Variants in HACD4 observed in about 807,000 individuals in gnomAD.
HACD4 encodes very-long-chain (3R)-3-hydroxyacyl-CoA dehydratase 4.
A neutral mutation model predicts 33.3 loss-of-function variants in HACD4; 35 were observed. The observed-to-expected ratio is 1.05, with a 90% CI of 0.80 to 1.39. HACD4 has a LOEUF of 1.39. HACD4 is among the 40% of genes most tolerant of loss of function. HACD4 has a pLI of 0.00. For synonymous variants in HACD4, 118 were observed against 98.0 expected (o/e 1.20, Z -1.21); for missense variants, 323 against 276.5 (o/e 1.17, Z -1.19).
In HACD4 at chr9:21,005,113, A is replaced by C. The variant is rs1016961589; in HGVS notation, c.*1924T>G. On this transcript the variant is annotated 3_prime_UTR_variant, in exon 7 of 7. Transcript: ENST00000495827. The surrounding 1 kb of genome is among the most constrained non-coding windows in gnomAD (Gnocchi z 4.0). ...TGGAAGAAAGGTGATCTTTGTTATA[A>C]TATGCCAAAGAACTTGGATGATTGT... 1 of 152,220 alleles carries C rather than the reference A, an allele frequency of 6.6e-6. No homozygotes were observed. The highest frequency in any genetic ancestry group is 1.5e-5 in the Non-Finnish European group (1 of 68,034). 9.4% of individuals were successfully genotyped at this position (152,220 alleles called of 1,614,324 possible). A position where few individuals can be genotyped will look rare whatever the true frequency, so the allele number is the denominator to read the frequency against.
At chr9:21,022,646 T>C (rs1018407908) in intron 3 of HACD4, among the ~76,000 whole-genome samples, 20 of 148,932 alleles carry the variant, frequency 1.3e-4, no homozygotes, top group Non-Finnish European at 2.2e-4. Flanking sequence ...CATAGAGAAA[T>C]GCAAATCAAA....
chr9:21,007,121 T>A lies in HACD4; in HGVS notation c.617-2A>T. ...GATGACTGTAGGTAAAATACATACC[T>A]AATATGGAGAAAGAAGTTGCAAAAG... On this transcript the variant is annotated splice_acceptor_variant, in intron 6 of 6. Coordinates refer to ENST00000495827, the MANE Select transcript of HACD4 (RefSeq NM_001010915.5). LOFTEE classifies it high-confidence loss of function. 6.9e-7 allele frequency: 1 copy of A among 1,444,004 alleles called. No homozygotes were observed. Among genetic ancestry groups the A allele is most frequent in the Non-Finnish European group, 9.8e-7 (1 of 1,025,502 alleles). 89.4% of individuals were successfully genotyped at this position (1,444,004 alleles called of 1,614,324 possible). A position where few individuals can be genotyped will look rare whatever the true frequency, so the allele number is the denominator to read the frequency against.
intron 4 of HACD4, among the ~76,000 whole-genome samples, chr9:21,012,237 T>C (rs1409105258): frequency 6.6e-6 from 1 of 152,246 alleles, no homozygotes; most frequent in Non-Finnish European, 1.5e-5. Flanking sequence ...CGTTGTGTTT[T>C]ATTTCTTTGA....
intron 1 of HACD4, among the ~76,000 whole-genome samples, chr9:21,029,639 C>T (rs1437134219): frequency 6.6e-6 from 1 of 152,170 alleles, no homozygotes; most frequent in African/African-American, 2.4e-5. Flanking sequence ...CTGGTACACC[C>T]CATCAGCTGA....
At position 21,011,641 on chromosome 9, in the gene HACD4, C is replaced by G; in HGVS notation, c.438G>C (p.Trp146Cys). Residue 146 changes from tryptophan (W) to cysteine (C), a missense_variant, in exon 5 of 7, where the codon TGG (tryptophan) becomes TGC (cysteine). By Grantham distance (215) the Trp-to-Cys change is radical. Transcript: ENST00000495827. ...TTGGCATCCATAGTGTTTGACTGAG[C>G]CATGTCAAGACAGCATAGGATATTC... ...VIGISYAVLTWLSQTLWMPIY... is the reference protein window; with the variant it reads ...VIGISYAVLTCLSQTLWMPIY... 16 of 1,611,804 alleles carry G rather than the reference C, an allele frequency of 9.9e-6. No homozygotes were observed. Among genetic ancestry groups the G allele is most frequent in the Middle Eastern group, 1.7e-4 (1 of 6,056 alleles).
intron 1 of HACD4, among the ~76,000 whole-genome samples, chr9:21,029,979 A>G (rs1169776071): frequency 6.6e-6 from 1 of 152,182 alleles, no homozygotes; most frequent in East Asian, 1.9e-4. Context: ...TCACACCATC[A>G]CAAAGTTTAA....
intron 1 of HACD4, 50 bp from the exon 2 acceptor site, chr9:21,029,448 T>C: frequency 8.5e-7 from 1 of 1,182,958 alleles, no homozygotes; most frequent in Non-Finnish European, 1.2e-6. Context: ...AATCATCCTT[T>C]CATCACTGTA....
intron 5 of HACD4, 102 bp downstream of exon 5, chr9:21,011,487 G>C: frequency 2.7e-6 from 2 of 730,208 alleles, no homozygotes; most frequent in South Asian, 3.0e-5. Flanking sequence ...AGTGAGCTAA[G>C]CATTCGCAAA....
At chr9:21,012,509 ATCTC>A in intron 4 of HACD4, among the ~76,000 whole-genome samples, 1 of 152,324 alleles carries the variant, frequency 6.6e-6, no homozygotes, top group South Asian at 2.1e-4. Flanking sequence ...GGAAGAGTAA[ATCTC>A]TCTCAATCCA....
In HACD4 at chr9:21,011,635, A is replaced by C; in HGVS notation, c.444T>G (p.Ser148Arg). Residue 148 changes from serine to arginine, a missense_variant, in exon 5 of 7, where the codon AGT becomes AGG. Coordinates refer to ENST00000495827, the MANE Select transcript of HACD4 (RefSeq NM_001010915.5). ...GISYAVLTWL[S>R]QTLWMPIYPL... ...GATAAATTGGCATCCATAGTGTTTGACTGAGCCATGTCAAGACAGCATAGG... is the reference window on the plus strand; with the variant it reads ...GATAAATTGGCATCCATAGTGTTTGCCTGAGCCATGTCAAGACAGCATAGG... The C allele has an allele frequency of 1.2e-6, 2 of 1,612,256 alleles. No individual in the cohort carries two copies. The highest frequency in any genetic ancestry group is 1.7e-6 in the Non-Finnish European group (2 of 1,178,536).
chr9:21,026,499 G>T, intron 3 of HACD4, 97 bp downstream of exon 3: 2 of 952,534 alleles, frequency 2.1e-6, no homozygotes, highest in Non-Finnish European at 3.2e-6. Context: ...CTAAGACAAG[G>T]GTTGGCTTTC....
chr9:21,031,077 G>C (rs1024548758), intron 1 of HACD4, among the ~76,000 whole-genome samples: 1 of 152,178 alleles, frequency 6.6e-6, no homozygotes, highest in East Asian at 1.9e-4. Flanking sequence ...CCTTCAGCTT[G>C]TATCAGAATT....
intron 4 of HACD4, among the ~76,000 whole-genome samples, chr9:21,012,415 G>A (rs1216751676): frequency 6.6e-6 from 1 of 152,100 alleles, no homozygotes; most frequent in East Asian, 1.9e-4. Context: ...CTGGTCTAGG[G>A]ACCACACTTT....
rs753396465 is a variant in HACD4, at chr9:21,002,459, G to T, written c.*4578C>A. The T allele has an allele frequency of 6.6e-6, 1 of 152,070 alleles. No homozygotes were observed. The highest frequency in any genetic ancestry group is 6.6e-5 in the Admixed American group (1 of 15,238). The allele number at this position is 152,070 out of a possible 1,614,324, so 9.4% of individuals were successfully genotyped here. A position where few individuals can be genotyped will look rare whatever the true frequency, so the allele number is the denominator to read the frequency against. On this transcript the variant is annotated 3_prime_UTR_variant, in exon 7 of 7. Transcript: ENST00000495827. ...ATGCTAAGTGAAATAAGCCAATTAC[G>T]AAAGACAGATACTGTATGATTACAT... is the stretch of plus-strand genomic sequence containing the variant.
chr9:21,007,215 C>G (rs1164390481), intron 6 of HACD4, 96 bp from the exon 7 acceptor site: 3 of 723,742 alleles, frequency 4.1e-6, no homozygotes, highest in Non-Finnish European at 7.5e-6. Context: ...CTGCCCAAAT[C>G]CAGGGAGAAG....
chr9:21,020,588 T>C (rs1817883428), intron 3 of HACD4, among the ~76,000 whole-genome samples: 1 of 152,218 alleles, frequency 6.6e-6, no homozygotes, highest in African/African-American at 2.4e-5. Flanking sequence ...AACATTTTTT[T>C]CTAAGCTAAT....
At chr9:21,010,876 G>C (rs1431443629) in intron 5 of HACD4, among the ~76,000 whole-genome samples, 1 of 152,092 alleles carries the variant, frequency 6.6e-6, no homozygotes. Context: ...GTTCACAACA[G>C]GGTTTGTGCT....
At position 21,000,395 on chromosome 9, in the gene HACD4, G is replaced by A. The variant is rs909191650; in HGVS notation, c.*6642C>T. The A allele has an allele frequency of 6.6e-6, 1 of 152,132 alleles. No individual in the cohort carries two copies. Among genetic ancestry groups the A allele is most frequent in the African/African-American group, 2.4e-5 (1 of 41,442 alleles). 9.4% of individuals were successfully genotyped at this position (152,132 alleles called of 1,614,324 possible). The stretch of plus-strand genomic sequence containing the variant: ...AGCAGTTTTCTTTCTGTCCAAAGCT[G>A]AAATAATTTAGACTCAAAAGCAGTG... On this transcript the variant is annotated 3_prime_UTR_variant, in exon 7 of 7. Coordinates refer to ENST00000495827, the MANE Select transcript of HACD4 (RefSeq NM_001010915.5).
chr9:21,019,036 C>G (rs1290490036), intron 3 of HACD4, among the ~76,000 whole-genome samples: 1 of 152,110 alleles, frequency 6.6e-6, no homozygotes, highest in Admixed American at 6.6e-5. Flanking sequence ...ATCCTCTGAA[C>G]TTTTCTGAGA....
Sources: gnomAD v4.1 joint callset for allele counts (sites outside exome capture counted in the v4.1 genomes callset) on GRCh38, gnomAD v4.1.1 for gene constraint, Gnocchi (gnomAD v3.1) non-coding constraint, MANE v1.5 for transcripts, NCBI Gene and HGNC (gene_info 2026-07-23, HGNC 2026-07-21) for gene names.